WWTR1: variants seen among roughly 807,000 people sequenced by gnomAD.
WWTR1 encodes the protein WW domain containing transcription regulator 1.
WWTR1 carries 13 observed loss-of-function variants against 40.1 expected under a neutral mutation model. That is an observed-to-expected ratio of 0.32 (90% CI 0.21 to 0.52). The LOEUF (loss-of-function observed/expected upper bound fraction) is 0.52, where lower values mean the gene tolerates loss of function less well. Ranked by LOEUF, WWTR1 falls within the 20% of genes least tolerant of loss-of-function variation. The pLI, the probability that WWTR1 is intolerant of heterozygous loss-of-function variation, is 0.97. For missense variants in WWTR1, 436 were observed against 523.1 expected, an observed-to-expected ratio of 0.83 and a Z score of 1.63; for synonymous variants, 230 against 210.1, an observed-to-expected ratio of 1.09 and a Z score of -0.82.
chr3:149,575,501 T>C (rs1737838389), intron 2 of WWTR1, among the ~76,000 whole-genome samples: 1 of 152,188 alleles, frequency 6.6e-6, no homozygotes, highest in African/African-American at 2.4e-5. Context: ...TAAACCTTTC[T>C]TAGACTCTCT....
intron 1 of WWTR1, among the ~76,000 whole-genome samples, chr3:149,682,442 G>T (rs1029744355): frequency 2.6e-5 from 4 of 152,198 alleles, no homozygotes; most frequent in African/African-American, 7.2e-5. Context: ...GGACTGCAAA[G>T]AATTTCTTTG....
chr3:149,640,132 C>G (rs569646380), intron 2 of WWTR1, among the ~76,000 whole-genome samples: 1 of 152,274 alleles, frequency 6.6e-6, no homozygotes, highest in Admixed American at 6.5e-5. Flanking sequence ...AAGAATTGTG[C>G]CTACTTTTCT....
chr3:149,682,567 T>A (rs12635665), intron 1 of WWTR1, among the ~76,000 whole-genome samples: 45,559 of 151,996 alleles, frequency 0.3, 7,138 homozygotes, highest in Admixed American at 0.39. Flanking sequence ...AAAAGCCTAT[T>A]TTCCCCAGCT....
At chr3:149,585,122 G>A (rs1488536324) in intron 2 of WWTR1, among the ~76,000 whole-genome samples, 3 of 21,384 alleles carry the variant, frequency 1.4e-4, no homozygotes, top group South Asian at 2.2e-3. Flanking sequence ...GATTTCTTTC[G>A]TGTGTGTGTG....
rs186861216 is a variant in WWTR1, at chr3:149,539,011, G to T, written c.771+3324C>A. 3.7e-3 allele frequency among the ~76,000 whole-genome samples: 570 copies of T among 152,194 alleles called. 7 individuals carry two copies. The highest frequency in any genetic ancestry group is 3.3e-3 in the Non-Finnish European group (226 of 68,010). On this transcript the variant is annotated intron_variant, in intron 4 of 6. Transcript: ENST00000360632. ...GAGCTTCCATACTGAAATAATGAAG[G>T]CTCACTTTAGATTTGTAATCAAAGT...
At chr3:149,539,218 G>A (rs1458420466) in intron 4 of WWTR1, among the ~76,000 whole-genome samples, 6 of 152,136 alleles carry the variant, frequency 3.9e-5, no homozygotes, top group African/African-American at 1.4e-4. Flanking sequence ...GAAGGAACAG[G>A]AAGAAAAATG....
At chr3:149,658,863 G>C (rs1409506991), upstream of WWTR1, among the ~76,000 whole-genome samples, 1 of 152,206 alleles carries the variant, frequency 6.6e-6, no homozygotes, top group Non-Finnish European at 1.5e-5. Context: ...TGAGGGTTGT[G>C]GGAGGATTGG....
chr3:149,570,542 C>A (rs1379643970), intron 3 of WWTR1, among the ~76,000 whole-genome samples: 3 of 150,694 alleles, frequency 2.0e-5, no homozygotes, highest in African/African-American at 7.3e-5. Flanking sequence ...CACTCCAGCC[C>A]GGATGACAGG....
Position 149,630,242 on chromosome 3 carries a change from A to G in WWTR1, c.431+26634T>C, listed in dbSNP as rs79757808. Among the ~76,000 whole-genome samples, 883 of 152,294 alleles carry G rather than the reference A, an allele frequency of 5.8e-3. 12 individuals carry two copies. The highest frequency in any genetic ancestry group is 0.02 in the African/African-American group (842 of 41,558). On this transcript the variant is annotated intron_variant, in intron 2 of 6. Coordinates refer to ENST00000360632, the MANE Select transcript of WWTR1 (RefSeq NM_015472.6). ...ATAAATTGCTTTTGCAATAAGTAAT[A>G]TTATAATATTTAAGTGAACCATAAT...
At position 149,601,942 on chromosome 3, in the gene WWTR1, G is replaced by A. The variant is rs138190288; in HGVS notation, c.432-28942C>T. On this transcript the variant is annotated intron_variant, in intron 2 of 6. Transcript: ENST00000360632. The stretch of plus-strand genomic sequence containing the variant: ...AAAATGTGAGAGATGGGTACATTAT[G>A]CTTGAAGTTACATTTACCCACAGAG... 3.3e-3 allele frequency among the ~76,000 whole-genome samples: 509 copies of A among 152,264 alleles called. 2 individuals carry two copies. The highest frequency in any genetic ancestry group is 0.012 in the African/African-American group (489 of 41,542).
chr3:149,642,825 G>A (rs534196466), intron 2 of WWTR1, among the ~76,000 whole-genome samples: 2 of 151,586 alleles, frequency 1.3e-5, no homozygotes, highest in African/African-American at 4.8e-5. Context: ...CATATGCATA[G>A]GGTTATATTT....
chr3:149,656,789 T>TCACACA (rs1481000636), intron 2 of WWTR1, 87 bp downstream of exon 2: 237 of 792,832 alleles, frequency 3.0e-4, no homozygotes, highest in Middle Eastern at 1.3e-3. Flanking sequence ...TCTCTCTCTC[T>TCACACA]CTCACACACA....
chr3:149,523,225 G>A (rs1735144282), intron 6 of WWTR1, among the ~76,000 whole-genome samples: 2 of 151,838 alleles, frequency 1.3e-5, no homozygotes, highest in African/African-American at 2.4e-5. Flanking sequence ...CACTTAAAAA[G>A]TGGAAGAGAC....
At chr3:149,592,999 A>T (rs183723573) in intron 2 of WWTR1, among the ~76,000 whole-genome samples, 1 of 152,322 alleles carries the variant, frequency 6.6e-6, no homozygotes, top group Admixed American at 6.5e-5. Context: ...CTGCTAAAAA[A>T]AACTCCAGGC....
intron 3 of WWTR1, among the ~76,000 whole-genome samples, chr3:149,563,336 C>T (rs915791980): frequency 6.6e-6 from 1 of 152,156 alleles, no homozygotes; most frequent in African/African-American, 2.4e-5. Context: ...TTTAGGCTTA[C>T]GAAGGCCTGA....
At chr3:149,559,774 A>G (rs1737007525) in intron 3 of WWTR1, among the ~76,000 whole-genome samples, 2 of 152,194 alleles carry the variant, frequency 1.3e-5, no homozygotes, top group South Asian at 4.1e-4. Flanking sequence ...ATGGAACAGA[A>G]TCCCAGCTGC....
intron 2 of WWTR1, among the ~76,000 whole-genome samples, chr3:149,638,256 C>T (rs1297629322): frequency 1.3e-5 from 2 of 151,924 alleles, no homozygotes; most frequent in Non-Finnish European, 2.9e-5. Flanking sequence ...ATGCAGTGGC[C>T]GTGAGCATAA....
At chr3:149,524,483 C>T (rs1022447507) in intron 6 of WWTR1, among the ~76,000 whole-genome samples, 2 of 150,420 alleles carry the variant, frequency 1.3e-5, no homozygotes, top group Admixed American at 6.6e-5. Flanking sequence ...AAGGCTATTC[C>T]AAAGATAGCA....
chr3:149,708,677 C>G (rs1247554975), intron 5 of WWTR1, among the ~76,000 whole-genome samples: 2 of 152,126 alleles, frequency 1.3e-5, no homozygotes, highest in Non-Finnish European at 2.9e-5. Flanking sequence ...GAATAATATT[C>G]TAGCATATGC....
Sources: gnomAD v4.1 joint callset for allele counts (sites outside exome capture counted in the v4.1 genomes callset) on GRCh38, gnomAD v4.1.1 for gene constraint, MANE v1.5 for transcripts, NCBI Gene and HGNC (gene_info 2026-07-23, HGNC 2026-07-21) for gene names.